Variants in PIDD1 observed in about 807,000 individuals in gnomAD.
PIDD1 encodes p53-induced death domain protein 1.
PIDD1 carries 72 observed loss-of-function variants against 80.0 expected under a neutral mutation model. The ratio of observed to expected loss-of-function variants is 0.90; its 90% CI spans 0.74 to 1.09. The LOEUF (loss-of-function observed/expected upper bound fraction) is 1.09. PIDD1 is among the 50% of genes least tolerant of loss of function. PIDD1 has a pLI of 0.00. For missense variants in PIDD1, 1,329 were observed against 1,228.3 expected (o/e 1.08, Z -1.23); for synonymous variants, 655 against 543.5 (o/e 1.21, Z -2.85).
chr11:804,993 G>C (rs551213826), intron 1 of PIDD1, 186 bp downstream of exon 1: 3 of 158,928 alleles, frequency 1.9e-5, no homozygotes, highest in African/African-American at 7.2e-5. Context: ...AACCTCTCCC[G>C]GCCTTTCCAG....
Position 801,062 on chromosome 11 carries a change from G to A in PIDD1, c.1689C>T (p.Thr563=), listed in dbSNP as rs1348100622. Residue 563 remains threonine (T), a synonymous_variant, in exon 10 of 16, where the codon ACC becomes ACT. Coordinates refer to ENST00000347755, the MANE Select transcript of PIDD1 (RefSeq NM_145886.4). Reference sequence around the variant, plus strand: ...CCACCTGAGCTGTGATGTCATCCCAGGTGGCTGCAGGAGGGGCCCAGTACA... The same window carrying A: ...CCACCTGAGCTGTGATGTCATCCCAAGTGGCTGCAGGAGGGGCCCAGTACA... ...HLLYWAPPAA[T]WDDITAQVVL... is the part of the protein sequence containing the mutation. 1.3e-6 allele frequency: 2 copies of A among 1,598,912 alleles called. No homozygotes were observed. The highest frequency in any genetic ancestry group is 1.7e-6 in the Non-Finnish European group (2 of 1,172,730).
chr11:807,595 G>A (rs552394719), upstream of PIDD1, among the ~76,000 whole-genome samples: 73 of 151,684 alleles, frequency 4.8e-4, 1 homozygote, highest in African/African-American at 1.5e-3. Flanking sequence ...GGCTAACACG[G>A]TGAAACCCCG....
At chr11:800,514 G>A (rs765690439) in intron 12 of PIDD1, 29 bp downstream of exon 12, 3 of 1,609,826 alleles carry the variant, frequency 1.9e-6, no homozygotes, top group East Asian at 4.5e-5. Context: ...TCCCCCTCCA[G>A]GGCAGGGAGC....
intron 3 of PIDD1, 63 bp from the exon 4 acceptor site, chr11:802,954 C>G: frequency 7.3e-7 from 1 of 1,372,442 alleles, no homozygotes; most frequent in Non-Finnish European, 1.0e-6. Flanking sequence ...GACACTCCTG[C>G]TGCCGCCTCC....
rs747393319 is a variant in PIDD1 at position 800,905 on chromosome 11, G to A, written c.1774C>T (p.Leu592Phe). 1.7e-5 allele frequency: 27 copies of A among 1,592,182 alleles called. No individual in the cohort carries two copies. The highest frequency in any genetic ancestry group is 3.3e-4 in the Middle Eastern group (2 of 6,032). Residue 592 changes from leucine (L) to phenylalanine (F), a missense_variant, in exon 11 of 16, where the codon CTC becomes TTC. Physicochemically the swap from Leu to Phe is conservative, Grantham distance 22 (BLOSUM62 0). Coordinates refer to ENST00000347755, the MANE Select transcript of PIDD1 (RefSeq NM_145886.4). ...FQVTHFSWYW[L>F]WYTTKNCVGG... ...ACACAGTTCTTGGTGGTGTACCAGA[G>A]CCAGTACCTGGGAGAGCTGGGGGTG...
rs1590156443 is a variant in PIDD1, at chr11:805,224, C to G, written c.-121G>C. 2 of 983,336 alleles carry G rather than the reference C, an allele frequency of 2.0e-6. No individual in the cohort carries two copies. Among genetic ancestry groups the G allele is most frequent in the Non-Finnish European group, 2.4e-6 (2 of 828,150 alleles). 60.9% of individuals were successfully genotyped at this position (983,336 alleles called of 1,614,324 possible). ...AAAGGGTGGCTGCTCAGCGGGCGCT[C>G]GGCGCCTGGGATCCCGCCGGCGCGT... is the stretch of plus-strand genomic sequence containing the variant. On this transcript the variant is annotated 5_prime_UTR_variant, in exon 1 of 16. Transcript: ENST00000347755.
upstream of PIDD1, among the ~76,000 whole-genome samples, chr11:808,857 G>A (rs1865915832): frequency 6.6e-6 from 1 of 152,242 alleles, no homozygotes; most frequent in Admixed American, 6.5e-5. Context: ...GTGAAGTCGA[G>A]TTCCAGTGCT....
upstream of PIDD1, among the ~76,000 whole-genome samples, chr11:808,451 G>A (rs939103849): frequency 1.3e-5 from 2 of 151,758 alleles, no homozygotes; most frequent in East Asian, 1.9e-4. Flanking sequence ...AGTTGGGGCC[G>A]GGCGCGGTAG....
chr11:799,915 G>A lies in PIDD1; in HGVS notation c.2374C>T (p.Leu792=). Residue 792 remains leucine, a synonymous_variant, in exon 15 of 16, where the codon CTG becomes TTG. Transcript: ENST00000347755. ...CCCAGACGCCCAGCCACACTCAGCA[G>A]GTTGCTCTGCGTCAGAAAGCCGGTC... ...AETGFLTQSN[L]LSVAGRLGLD... 4 of 1,612,696 alleles carry A rather than the reference G, an allele frequency of 2.5e-6. No homozygotes were observed. Among genetic ancestry groups the A allele is most frequent in the Non-Finnish European group, 1.7e-6 (2 of 1,179,918 alleles).
In PIDD1 at chr11:803,182, G is replaced by A. The variant is rs1316356148; in HGVS notation, c.701C>T (p.Ala234Val). The A allele has an allele frequency of 2.5e-6, 4 of 1,603,334 alleles. No individual in the cohort carries two copies. The Admixed American group carries it at 5.0e-5, about 20-fold the overall frequency. The change falls in exon 3 of 16, where the codon GCC becomes GTC. Residue 234 changes from alanine (A) to valine (V), a missense_variant. Transcript: ENST00000347755. ...GCGCAGGGGCTACTCACCCAGAGAG[G>A]CTGGGAGGCTCTGCAGCCGGTTGGA... ...LASNRLQSLPASLAGLRSLRL... is the reference protein window; with the variant it reads ...LASNRLQSLPVSLAGLRSLRL...
rs773536289 is a variant in PIDD1, at chr11:800,115, T to C, written c.2274+16A>G. The C allele has an allele frequency of 2.5e-5, 41 of 1,608,580 alleles. No homozygotes were observed. Among genetic ancestry groups the C allele is most frequent in the Non-Finnish European group, 3.5e-5 (41 of 1,177,870 alleles). ...CCTCGGTCCTGCCCCGCCCCTCTGCTGTCCCTCAGTCCCACCGGCAGCTTG... is the reference window on the plus strand; with the variant it reads ...CCTCGGTCCTGCCCCGCCCCTCTGCCGTCCCTCAGTCCCACCGGCAGCTTG... On this transcript the variant is annotated intron_variant, in intron 14 of 15. Coordinates refer to ENST00000347755, the MANE Select transcript of PIDD1 (RefSeq NM_145886.4).
rs773542551 is a variant in PIDD1, at chr11:800,903, G to A, written c.1776C>T (p.Leu592=). Residue 592 remains leucine, a synonymous_variant, in exon 11 of 16, where the codon CTC becomes CTT. Transcript: ENST00000347755. ...FQVTHFSWYW[L]WYTTKNCVGG... is the part of the protein sequence containing the mutation. ...CCACACAGTTCTTGGTGGTGTACCA[G>A]AGCCAGTACCTGGGAGAGCTGGGGG... is the stretch of plus-strand genomic sequence containing the variant. 1 of 1,592,030 alleles carries A rather than the reference G, an allele frequency of 6.3e-7. No individual in the cohort carries two copies.
At chr11:808,107 CAG>C (rs1401422634), upstream of PIDD1, among the ~76,000 whole-genome samples, 3 of 137,218 alleles carry the variant, frequency 2.2e-5, no homozygotes, top group African/African-American at 5.6e-5. Flanking sequence ...TTAATAGGTA[CAG>C]AGTTTGTTTG....
Position 800,772 on chromosome 11 carries a change from G to A in PIDD1, c.1907C>T (p.Pro636Leu), listed in dbSNP as rs1865230469. 3 of 1,549,372 alleles carry A rather than the reference G, an allele frequency of 1.9e-6. No homozygotes were observed. The highest frequency in any genetic ancestry group is 2.4e-5 in the East Asian group (1 of 41,214). ...DPEQVLLQCL[P>L]RNKVDATLRR... ...GGCCCGTGCCCCCACCTTGTTTCGG[G>A]GCAGGCACTGCAGCAGGACCTGCTC... The change falls in exon 11 of 16, where the codon CCC (proline) becomes CTC (leucine). Residue 636 changes from proline to leucine, a missense_variant. By Grantham distance (98) the Pro-to-Leu change is moderately conservative (BLOSUM62 -3). Coordinates refer to ENST00000347755, the MANE Select transcript of PIDD1 (RefSeq NM_145886.4).
Position 800,581 on chromosome 11 carries a change from A to T in PIDD1, c.2003T>A (p.Phe668Tyr), listed in dbSNP as rs1865206665. ...GATGCCGCGCTCGAAGGCCGCAAAG[A>T]ACTCTTCGCCCTCGAACATCTCCAC... is the stretch of plus-strand genomic sequence containing the variant. ...DTVEMFEGEE[F>Y]FAAFERGIDV... Residue 668 changes from phenylalanine to tyrosine, a missense_variant, in exon 12 of 16, where the codon TTC becomes TAC. Coordinates refer to ENST00000347755, the MANE Select transcript of PIDD1 (RefSeq NM_145886.4). 6.3e-7 allele frequency: 1 copy of T among 1,576,134 alleles called. No homozygotes were observed. The highest frequency in any genetic ancestry group is 1.7e-5 in the Admixed American group (1 of 58,450).
chr11:804,576 C>A, intron 1 of PIDD1, 113 bp from the exon 2 acceptor site: 1 of 1,115,634 alleles, frequency 9.0e-7, no homozygotes, highest in Non-Finnish European at 1.2e-6. Flanking sequence ...TGGGCCTGGG[C>A]TGCAGAGTGG....
chr11:805,320 G>A (rs1432262588), upstream of PIDD1: 7 of 705,642 alleles, frequency 9.9e-6, no homozygotes, highest in South Asian at 1.8e-4. Context: ...CCCTCCGCCG[G>A]GCTGGGGTCC....
At chr11:805,315 C>A (rs1385879530), upstream of PIDD1, 7 of 743,902 alleles carry the variant, frequency 9.4e-6, no homozygotes, top group Non-Finnish European at 1.2e-5. Flanking sequence ...GCGCCCCCTC[C>A]GCCGGGCTGG....
In PIDD1 at chr11:804,256, C is replaced by CG; in HGVS notation, c.132dup (p.Gly45ArgfsTer118). On this transcript the variant is annotated frameshift_variant, in exon 2 of 16. Coordinates refer to ENST00000347755, the MANE Select transcript of PIDD1 (RefSeq NM_145886.4). LOFTEE classifies it high-confidence loss of function. ...AGGTGCAGCAGCTGCTGGCAGCCCC[C>CG]GGGGTACAGGTCCAAGCTCAGCCGG... The CG allele has an allele frequency of 1.9e-6, 3 of 1,613,034 alleles. No individual in the cohort carries two copies. Among genetic ancestry groups the CG allele is most frequent in the Non-Finnish European group, 2.5e-6 (3 of 1,179,980 alleles).
Sources: gnomAD v4.1 joint callset for allele counts (sites outside exome capture counted in the v4.1 genomes callset) on GRCh38, gnomAD v4.1.1 for gene constraint, MANE v1.5 for transcripts, NCBI Gene and HGNC (gene_info 2026-07-23, HGNC 2026-07-21) for gene names.